Variants in SFI1 observed in about 807,000 individuals in gnomAD.
The protein encoded by SFI1 is protein SFI1 homolog.
A neutral mutation model predicts 207.5 loss-of-function variants in SFI1; 195 were observed. The ratio of observed to expected loss-of-function variants is 0.94; its 90% confidence interval spans 0.84 to 1.06. The LOEUF (loss-of-function observed/expected upper bound fraction) is 1.06. Ranked by LOEUF, SFI1 falls within the 50% of genes least tolerant of loss-of-function variation. The pLI is 0.00. For synonymous variants in SFI1, 630 were observed against 598.9 expected, an observed-to-expected ratio of 1.05 and a Z score of -0.76; for missense variants, 1,634 against 1,588.0, an observed-to-expected ratio of 1.03 and a Z score of -0.49.
At chr22:31,502,853 C>T (rs1036087827) in intron 1 of SFI1, among the ~76,000 whole-genome samples, 6 of 151,958 alleles carry the variant, frequency 3.9e-5, no homozygotes, top group African/African-American at 1.5e-4. Flanking sequence ...GTGGGTCCCA[C>T]CTGTAATCCC....
chr22:31,543,986 C>T (rs561517646), intron 4 of SFI1, among the ~76,000 whole-genome samples: 8 of 152,134 alleles, frequency 5.3e-5, no homozygotes, highest in African/African-American at 9.6e-5. Context: ...CTCAGGAGTG[C>T]AAGACCAGCA....
At chr22:31,535,356 G>A (rs1283719526) in intron 4 of SFI1, among the ~76,000 whole-genome samples, 1 of 150,746 alleles carries the variant, frequency 6.6e-6, no homozygotes, top group Non-Finnish European at 1.5e-5. Context: ...CACCCAGCTA[G>A]TTTTTGTATT....
intron 8 of SFI1, among the ~76,000 whole-genome samples, chr22:31,571,942 T>G (rs1339329520): frequency 6.6e-6 from 1 of 152,134 alleles, no homozygotes; most frequent in Non-Finnish European, 1.5e-5. Context: ...CACATTGATA[T>G]GCTGATTTCA....
At chr22:31,595,483 A>T (rs924451056) in intron 15 of SFI1, among the ~76,000 whole-genome samples, 2 of 152,370 alleles carry the variant, frequency 1.3e-5, no homozygotes, top group East Asian at 3.9e-4. Flanking sequence ...ACAACCAGTA[A>T]GTGGTACAGC....
In SFI1 at chr22:31,615,340, C is replaced by T. The variant is rs972298304; in HGVS notation, c.3300+61C>T. ...TCTCACTCTGGTCTGACTTCTGGTG[C>T]TTTCTCATGCCACAGCTGTACTAGT... On this transcript the variant is annotated intron_variant, in intron 29 of 32. Coordinates refer to ENST00000400288, the MANE Select transcript of SFI1 (RefSeq NM_001007467.3). 6 of 1,354,264 alleles carry T rather than the reference C, an allele frequency of 4.4e-6. No homozygotes were observed. The African/African-American group carries it at 8.8e-5, about 20-fold the overall frequency. 83.9% of individuals were successfully genotyped at this position (1,354,264 alleles called of 1,614,324 possible).
At chr22:31,612,984 C>A in intron 24 of SFI1, 158 bp from the exon 25 acceptor site, 1 of 679,124 alleles carries the variant, frequency 1.5e-6, no homozygotes, top group Non-Finnish European at 2.5e-6. Flanking sequence ...GTGTGTTGAG[C>A]ATCTCACCGC....
intron 2 of SFI1, among the ~76,000 whole-genome samples, chr22:31,517,320 T>C (rs1457459674): frequency 1.3e-5 from 2 of 151,988 alleles, no homozygotes; most frequent in Non-Finnish European, 2.9e-5. Flanking sequence ...ACAATCAGGG[T>C]CACTGCAGCC....
intron 11 of SFI1, among the ~76,000 whole-genome samples, chr22:31,579,609 C>T (rs2063876997): frequency 6.6e-6 from 1 of 152,158 alleles, no homozygotes. Flanking sequence ...GCCACCACGC[C>T]CGGCCTAATT....
At position 31,531,059 on chromosome 22, in the gene SFI1, T is replaced by G. The variant is rs755312393; in HGVS notation, c.268T>G (p.Cys90Gly). 12 of 1,610,978 alleles carry G rather than the reference T, an allele frequency of 7.4e-6. No homozygotes were observed. Among genetic ancestry groups the G allele is most frequent in the Non-Finnish European group, 1.0e-5 (12 of 1,179,104 alleles). ...QGRLRELRIR[C>G]VARKFLYLWI... is the part of the protein sequence containing the mutation. ...ATATGCTTTTTTTCCTTCTTTCAGATGCGTGGCCAGAAAGTTCTTATATTT... is the reference window on the plus strand; with the variant it reads ...ATATGCTTTTTTTCCTTCTTTCAGAGGCGTGGCCAGAAAGTTCTTATATTT... The change falls in exon 4 of 33, where the codon TGC becomes GGC. Residue 90 changes from cysteine to glycine, a missense_variant and splice_region_variant. By Grantham distance (159) the Cys-to-Gly change is radical. Coordinates refer to ENST00000400288, the MANE Select transcript of SFI1 (RefSeq NM_001007467.3).
At chr22:31,556,020 G>A (rs1203960955) in intron 6 of SFI1, among the ~76,000 whole-genome samples, 1 of 151,794 alleles carries the variant, frequency 6.6e-6, no homozygotes, top group Non-Finnish European at 1.5e-5. Flanking sequence ...ACTTATTAGT[G>A]GTGACTTTCA....
intron 15 of SFI1, among the ~76,000 whole-genome samples, chr22:31,596,474 TG>T (rs2067130625): frequency 6.6e-6 from 1 of 152,040 alleles, no homozygotes; most frequent in Admixed American, 6.6e-5. Flanking sequence ...TCATGTATTG[TG>T]GGCTGGTATA....
rs547904585 is a variant in SFI1 at position 31,542,096 on chromosome 22, G to A, written c.339-4765G>A. Among the ~76,000 whole-genome samples the A allele has an allele frequency of 1.7e-4, 14 of 83,888 alleles. No individual in the cohort carries two copies. The East Asian group carries it at 4.6e-3, about 28-fold the overall frequency. The allele number at this position is 83,888 out of a possible 152,430, so 55.0% of individuals were successfully genotyped here. A position where few individuals can be genotyped will look rare whatever the true frequency, so the allele number is the denominator to read the frequency against. Reference sequence around the variant, plus strand: ...AGCCTGGGTGACAGAGTGAGACCCCGTCTTTAAAAAAAAAAAAAAAAAAAG... The same window carrying A: ...AGCCTGGGTGACAGAGTGAGACCCCATCTTTAAAAAAAAAAAAAAAAAAAG... On this transcript the variant is annotated intron_variant, in intron 4 of 32. Transcript: ENST00000400288.
chr22:31,581,801 AC>A (rs1469249893), intron 12 of SFI1, among the ~76,000 whole-genome samples: 2 of 152,088 alleles, frequency 1.3e-5, no homozygotes, highest in East Asian at 3.9e-4. Flanking sequence ...CTATATAGTC[AC>A]TACCTGGATA....
At chr22:31,617,213 G>A in intron 31 of SFI1, 135 bp downstream of exon 31, 2 of 853,324 alleles carry the variant, frequency 2.3e-6, no homozygotes, top group Non-Finnish European at 3.6e-6. Context: ...ATGGAGGGGT[G>A]TGGGGAGCCC....
At position 31,568,224 on chromosome 22, in the gene SFI1, A is replaced by T. The variant is rs868317261; in HGVS notation, c.766-4834A>T. ...TGTGTGTGTGTGTATATATATATATATATTTTTTTTTTTTTACCATAAATG... is the reference window on the plus strand; with the variant it reads ...TGTGTGTGTGTGTATATATATATATTTATTTTTTTTTTTTTACCATAAATG... On this transcript the variant is annotated intron_variant, in intron 8 of 32. Transcript: ENST00000400288. 7.7e-3 allele frequency among the ~76,000 whole-genome samples: 957 copies of T among 124,384 alleles called. 8 individuals carry two copies. Among genetic ancestry groups the T allele is most frequent in the Middle Eastern group, 0.028 (7 of 254 alleles). 81.6% of individuals were successfully genotyped at this position (124,384 alleles called of 152,430 possible). A position where few individuals can be genotyped will look rare whatever the true frequency, so the allele number is the denominator to read the frequency against.
At chr22:31,498,524 G>A (rs1242522732) in intron 1 of SFI1, among the ~76,000 whole-genome samples, 8 of 150,850 alleles carry the variant, frequency 5.3e-5, no homozygotes, top group Admixed American at 2.0e-4. Flanking sequence ...GGTGGTGGGC[G>A]CCTGTAATCC....
chr22:31,497,566 C>G (rs1205784518), intron 1 of SFI1, among the ~76,000 whole-genome samples: 3 of 152,094 alleles, frequency 2.0e-5, no homozygotes, highest in Non-Finnish European at 4.4e-5. Flanking sequence ...TGAGAGGCAA[C>G]AATATTGAAA....
intron 22 of SFI1, among the ~76,000 whole-genome samples, chr22:31,608,842 T>C (rs551656201): frequency 2.8e-4 from 43 of 152,170 alleles, no homozygotes; most frequent in African/African-American, 9.1e-4. Flanking sequence ...CTGCTGTATA[T>C]ACATCTTTGG....
At chr22:31,595,542 A>G (rs767192432) in intron 15 of SFI1, among the ~76,000 whole-genome samples, 6 of 152,236 alleles carry the variant, frequency 3.9e-5, no homozygotes, top group African/African-American at 1.2e-4. Context: ...TTTCTTCTTG[A>G]TCAAGAGGAA....
Sources: allele counts gnomAD v4.1 joint callset (sites outside exome capture counted in the v4.1 genomes callset), GRCh38; gene constraint gnomAD v4.1.1; transcripts MANE v1.5; gene names NCBI Gene and HGNC (gene_info 2026-07-23, HGNC 2026-07-21).